Variants in PDGFD observed in about 807,000 individuals in gnomAD.
PDGFD encodes platelet derived growth factor D.
A neutral mutation model predicts 44.7 loss-of-function variants in PDGFD; 30 were observed. That is an observed-to-expected ratio of 0.67 (90% CI 0.50 to 0.91). PDGFD has a LOEUF of 0.91. Ranked by LOEUF, PDGFD falls within the 40% of genes least tolerant of loss-of-function variation. The probability of loss-of-function intolerance (pLI) is 0.00; values close to 1 mark genes in which losing one functional copy is unlikely to be tolerated. For synonymous variants in PDGFD, 173 were observed against 168.4 expected, an observed-to-expected ratio of 1.03 and a Z score of -0.21; for missense variants, 445 against 457.8, an observed-to-expected ratio of 0.97 and a Z score of 0.25.
intron 1 of PDGFD, among the ~76,000 whole-genome samples, chr11:104,122,847 T>C (rs955191651): frequency 6.6e-6 from 1 of 151,934 alleles, no homozygotes; most frequent in Non-Finnish European, 1.5e-5. Context: ...TGACTCTCTA[T>C]GTATAAAGGG....
At chr11:104,012,114 A>G (rs528708074) in intron 1 of PDGFD, among the ~76,000 whole-genome samples, 1 of 152,330 alleles carries the variant, frequency 6.6e-6, no homozygotes, top group East Asian at 1.9e-4. Context: ...GAGGCTTTCA[A>G]GAGAATTACT....
intron 1 of PDGFD, among the ~76,000 whole-genome samples, chr11:104,149,765 G>A (rs1591187508): frequency 6.6e-6 from 1 of 152,262 alleles, no homozygotes; most frequent in South Asian, 2.1e-4. Flanking sequence ...CAGTAGCTCA[G>A]GGCACAAGGC....
chr11:104,082,133 CATACAT>C (rs1384195762), intron 1 of PDGFD, among the ~76,000 whole-genome samples: 2 of 117,518 alleles, frequency 1.7e-5, no homozygotes, highest in African/African-American at 7.9e-5. Flanking sequence ...CATATACATA[CATACAT>C]ATATATATAT....
chr11:104,108,544 G>A (rs907198901), intron 1 of PDGFD, among the ~76,000 whole-genome samples: 3 of 152,112 alleles, frequency 2.0e-5, no homozygotes, highest in Non-Finnish European at 4.4e-5. Context: ...TAAAAAGTCA[G>A]GAAACAACAG....
intron 1 of PDGFD, among the ~76,000 whole-genome samples, chr11:104,154,084 A>C (rs997361225): frequency 2.0e-5 from 3 of 151,878 alleles, no homozygotes; most frequent in Admixed American, 1.3e-4. Flanking sequence ...TATTTTAAAA[A>C]TATGTTTTAT....
At chr11:104,015,784 C>T (rs17323867) in intron 1 of PDGFD, among the ~76,000 whole-genome samples, 2,856 of 152,188 alleles carry the variant, frequency 0.019, 48 homozygotes, top group Non-Finnish European at 0.028. Context: ...CATGGTTGTC[C>T]AATTTAGCCA....
At chr11:103,955,540 CT>C (rs1210762154) in intron 3 of PDGFD, among the ~76,000 whole-genome samples, 10 of 152,190 alleles carry the variant, frequency 6.6e-5, no homozygotes, top group African/African-American at 2.4e-4. Flanking sequence ...AACAAGTATA[CT>C]TTCTTTACAG....
intron 1 of PDGFD, among the ~76,000 whole-genome samples, chr11:104,065,660 T>G (rs1049401202): frequency 6.6e-6 from 1 of 152,222 alleles, no homozygotes; most frequent in African/African-American, 2.4e-5. Flanking sequence ...TCAAAAATGA[T>G]AATAAATATT....
At chr11:104,088,619 T>C (rs1216609910) in intron 1 of PDGFD, among the ~76,000 whole-genome samples, 1 of 152,164 alleles carries the variant, frequency 6.6e-6, no homozygotes, top group Non-Finnish European at 1.5e-5. Context: ...GGGAGGAACT[T>C]TGCCTGAGTA....
chr11:104,159,268 C>T (rs541188576), intron 1 of PDGFD, among the ~76,000 whole-genome samples: 3 of 151,940 alleles, frequency 2.0e-5, no homozygotes, highest in Non-Finnish European at 4.4e-5. Flanking sequence ...CTAGGTAGCT[C>T]AGACACTAAC....
intron 1 of PDGFD, among the ~76,000 whole-genome samples, chr11:104,039,935 T>C (rs922968910): frequency 6.6e-6 from 1 of 152,126 alleles, no homozygotes; most frequent in African/African-American, 2.4e-5. Context: ...ACAGTTCACA[T>C]GATACCAAAT....
chr11:104,011,201 G>A (rs1859781090), intron 1 of PDGFD, among the ~76,000 whole-genome samples: 1 of 152,040 alleles, frequency 6.6e-6, no homozygotes, highest in Non-Finnish European at 1.5e-5. Context: ...TGCTTAAAGT[G>A]CTAGTCTGTA....
chr11:104,057,457 A>C (rs1007319759), intron 1 of PDGFD, among the ~76,000 whole-genome samples: 1 of 149,652 alleles, frequency 6.7e-6, no homozygotes, highest in Non-Finnish European at 1.5e-5. Context: ...CCTCACTTAG[A>C]AGTGGGAGCT....
At chr11:103,966,969 GA>G (rs1436401339) in intron 3 of PDGFD, among the ~76,000 whole-genome samples, 1 of 152,172 alleles carries the variant, frequency 6.6e-6, no homozygotes, top group African/African-American at 2.4e-5. Context: ...CGGCTAGGCT[GA>G]GGAAAAGTGA....
At chr11:104,161,950 A>AGAGTGTGT (rs142168784) in intron 1 of PDGFD, among the ~76,000 whole-genome samples, 3 of 148,908 alleles carry the variant, frequency 2.0e-5, no homozygotes, top group African/African-American at 7.4e-5. Context: ...AATCAAAGAG[A>AGAGTGTGT]GTGTGTGTGT....
intron 1 of PDGFD, among the ~76,000 whole-genome samples, chr11:104,147,002 T>TAAAA (rs10700137): frequency 1.4e-3 from 188 of 133,742 alleles, no homozygotes; most frequent in African/African-American, 5.0e-3. Context: ...CGGGGCATAC[T>TAAAA]AAAAAAAAAA....
At chr11:104,023,924 G>A (rs1206717285) in intron 1 of PDGFD, among the ~76,000 whole-genome samples, 1 of 152,062 alleles carries the variant, frequency 6.6e-6, no homozygotes, top group African/African-American at 2.4e-5. Flanking sequence ...TGCAAACATT[G>A]CTAATATAAG....
rs139399822 is a variant in PDGFD, at chr11:103,973,945, CA to C, written c.510+22119del. Among the ~76,000 whole-genome samples the C allele has an allele frequency of 4.8e-3, 737 of 152,150 alleles. 55 individuals are homozygous for C. The East Asian group carries it at 0.11, about 24-fold the overall frequency. ...TAGAGAGTTACTGAAGGGTTTTAAG[CA>C]GAAGAATGGCAGCAGTTTGGATGGA... On this transcript the variant is annotated intron_variant, in intron 3 of 6. Coordinates refer to ENST00000393158, the MANE Select transcript of PDGFD (RefSeq NM_025208.5).
At chr11:104,160,304 C>G (rs1862370977) in intron 1 of PDGFD, among the ~76,000 whole-genome samples, 1 of 152,214 alleles carries the variant, frequency 6.6e-6, no homozygotes, top group South Asian at 2.1e-4. Flanking sequence ...AACACCTGTA[C>G]TTTCTACACG....
Sources: gnomAD v4.1 joint callset for allele counts (sites outside exome capture counted in the v4.1 genomes callset) on GRCh38, gnomAD v4.1.1 for gene constraint, MANE v1.5 for transcripts, NCBI Gene and HGNC (gene_info 2026-07-23, HGNC 2026-07-21) for gene names.